PLXNC1: variants seen among roughly 807,000 people sequenced by gnomAD.
The protein encoded by PLXNC1 is plexin C1.
Under a neutral mutation model 178.2 loss-of-function variants are expected in PLXNC1, and 75 were observed. The ratio of observed to expected loss-of-function variants is 0.42; its 90% CI spans 0.35 to 0.51. The LOEUF is 0.51. Ranked by LOEUF, PLXNC1 falls within the 20% of genes least tolerant of loss-of-function variation. The pLI is 0.02. For missense variants in PLXNC1, 1,503 were observed against 1,984.4 expected (o/e 0.76, Z 4.61); for synonymous variants, 790 against 779.9 (o/e 1.01, Z -0.22).
chr12:94,288,554 T>C (rs189682666), intron 23 of PLXNC1, among the ~76,000 whole-genome samples: 3 of 152,338 alleles, frequency 2.0e-5, no homozygotes, highest in African/African-American at 7.2e-5. Flanking sequence ...TCCAGCATCC[T>C]GTAAGCCCTC....
rs1963965311 is a variant in PLXNC1 at position 94,227,177 on chromosome 12, C to T, written c.1922C>T (p.Thr641Ile). Reference sequence around the variant, plus strand: ...CAGTGTCCAGTGGCTGTCGAGAAGACATCAGGAGGAGGAAGACCCAAGGAG... The same window carrying T: ...CAGTGTCCAGTGGCTGTCGAGAAGATATCAGGAGGAGGAAGACCCAAGGAG... ...QEQCPVAVEK[T>I]SGGGRPKENK... Residue 641 changes from threonine (T) to isoleucine (I), a missense_variant, in exon 9 of 31, where the codon ACA becomes ATA. Transcript: ENST00000258526. The T allele has an allele frequency of 1.2e-6, 2 of 1,612,610 alleles. No individual in the cohort carries two copies. Among genetic ancestry groups the T allele is most frequent in the Non-Finnish European group, 1.7e-6 (2 of 1,178,724 alleles).
chr12:94,285,611 G>A (rs1468982593), intron 23 of PLXNC1, among the ~76,000 whole-genome samples: 3 of 152,138 alleles, frequency 2.0e-5, no homozygotes, highest in African/African-American at 7.2e-5. Flanking sequence ...GTGCATTCTT[G>A]GGCTCAGGAA....
intron 4 of PLXNC1, among the ~76,000 whole-genome samples, chr12:94,201,692 T>G (rs1342453338): frequency 6.7e-6 from 1 of 149,992 alleles, no homozygotes. Flanking sequence ...ATGCTTTAAG[T>G]GCACTCAGAT....
At chr12:94,249,965 G>T (rs942583174) in intron 14 of PLXNC1, among the ~76,000 whole-genome samples, 1 of 150,074 alleles carries the variant, frequency 6.7e-6, no homozygotes, top group African/African-American at 2.4e-5. Context: ...GAGCAGGTAG[G>T]GGGGCCATGC....
intron 4 of PLXNC1, among the ~76,000 whole-genome samples, chr12:94,200,981 C>T (rs939495736): frequency 5.3e-5 from 8 of 152,140 alleles, no homozygotes; most frequent in Non-Finnish European, 1.2e-4. Context: ...GAAACACAGA[C>T]AAGAATTTAG....
chr12:94,195,632 C>A (rs1962887056), intron 4 of PLXNC1, among the ~76,000 whole-genome samples: 1 of 152,182 alleles, frequency 6.6e-6, no homozygotes, highest in African/African-American at 2.4e-5. Flanking sequence ...ATTTCACATT[C>A]ACTCCATATT....
At chr12:94,216,900 C>T (rs904443383) in intron 5 of PLXNC1, among the ~76,000 whole-genome samples, 4 of 152,138 alleles carry the variant, frequency 2.6e-5, no homozygotes, top group Admixed American at 2.0e-4. Context: ...GCTTGATTCA[C>T]GAAAAAGCCA....
In PLXNC1 at chr12:94,274,155, T is replaced by TAAAAA. The variant is rs3060881; in HGVS notation, c.3598-5289_3598-5285dup. Among the ~76,000 whole-genome samples the TAAAAA allele has an allele frequency of 2.4e-3, 108 of 45,366 alleles. 8 individuals are homozygous for TAAAAA. The highest frequency in any genetic ancestry group is 7.4e-3 in the African/African-American group (63 of 8,470). The allele number at this position is 45,366 out of a possible 152,430, so 29.8% of individuals were successfully genotyped here. On this transcript the variant is annotated intron_variant, in intron 21 of 30. Transcript: ENST00000258526. Reference sequence around the variant, plus strand: ...GGGCAACACAGCAAGACCCTGTCTCTAAAAAAAAAAAAAAAAAAAAAAAAA... The same window carrying TAAAAA: ...GGGCAACACAGCAAGACCCTGTCTCTAAAAAAAAAAAAAAAAAAAAAAAAAAAAAA...
At position 94,237,746 on chromosome 12, in the gene PLXNC1, C is replaced by T; in HGVS notation, c.2063C>T (p.Thr688Ile). The change falls in exon 10 of 31, where the codon ACC becomes ATC. Residue 688 changes from threonine (T) to isoleucine (I), a missense_variant. Around this residue, in one of 4 missense-constraint regions of PLXNC1, gnomAD observed 615 missense variants for 698.6 expected, o/e 0.88. Coordinates refer to ENST00000258526, the MANE Select transcript of PLXNC1 (RefSeq NM_005761.3). ...SNVIVTGANF[T>I]RASNITMILK... ...GTGATAGTAACGGGAGCAAACTTTA[C>T]CCGGGCATCGAACATCACAATGATC... 1 of 1,613,954 alleles carries T rather than the reference C, an allele frequency of 6.2e-7. No homozygotes were observed. Among genetic ancestry groups the T allele is most frequent in the Non-Finnish European group, 8.5e-7 (1 of 1,179,904 alleles).
rs146169542 is a variant in PLXNC1, at chr12:94,305,076, A to G, written c.4603-105A>G. 380 of 672,812 alleles carry G rather than the reference A, an allele frequency of 5.6e-4. 1 individual carries two copies. In the East Asian group the frequency reaches 9.8e-3, roughly 17 times the overall value. 41.7% of individuals were successfully genotyped at this position (672,812 alleles called of 1,614,324 possible). The stretch of plus-strand genomic sequence containing the variant: ...GTAAATGATGGAAGAAAATGTTGGC[A>G]TCTGTTTCATACAGATTTTACCACT... On this transcript the variant is annotated intron_variant, in intron 30 of 30. Coordinates refer to ENST00000258526, the MANE Select transcript of PLXNC1 (RefSeq NM_005761.3).
chr12:94,216,171 G>A (rs1004045848), intron 5 of PLXNC1, among the ~76,000 whole-genome samples: 12 of 152,020 alleles, frequency 7.9e-5, no homozygotes, highest in African/African-American at 2.9e-4. Context: ...GGGAGGCTGA[G>A]GCAGGAGAAT....
chr12:94,179,171 C>T (rs574023577), intron 2 of PLXNC1, among the ~76,000 whole-genome samples: 1 of 152,308 alleles, frequency 6.6e-6, no homozygotes, highest in East Asian at 1.9e-4. Flanking sequence ...ACAGCAAATC[C>T]CTAACTGCCA....
intron 5 of PLXNC1, among the ~76,000 whole-genome samples, chr12:94,216,145 G>A (rs913886932): frequency 1.3e-5 from 2 of 152,036 alleles, no homozygotes; most frequent in African/African-American, 4.8e-5. Context: ...GCAGGTGTCT[G>A]TAATCCCAGC....
intron 2 of PLXNC1, among the ~76,000 whole-genome samples, chr12:94,176,098 T>TTG (rs1342196918): frequency 6.6e-6 from 1 of 152,146 alleles, no homozygotes; most frequent in East Asian, 1.9e-4. Flanking sequence ...TGCCCAAGGA[T>TTG]TGTGTGTGTG....
chr12:94,304,465 C>T (rs571840424), intron 30 of PLXNC1: 3 of 157,740 alleles, frequency 1.9e-5, no homozygotes, highest in Admixed American at 6.4e-5. Context: ...ACTTAAGCGA[C>T]TATTTCAATA....
chr12:94,298,836 G>A, intron 27 of PLXNC1, 41 bp downstream of exon 27: 1 of 1,555,152 alleles, frequency 6.4e-7, no homozygotes, highest in South Asian at 1.2e-5. Context: ...CAAGAATCTG[G>A]GACAGAATAT....
chr12:94,234,539 C>G (rs547810276), intron 9 of PLXNC1, among the ~76,000 whole-genome samples: 1 of 152,128 alleles, frequency 6.6e-6, no homozygotes, highest in African/African-American at 2.4e-5. Context: ...TAAAAATAAC[C>G]CTGAAGTCTT....
intron 4 of PLXNC1, among the ~76,000 whole-genome samples, chr12:94,207,200 G>A (rs1010781897): frequency 2.0e-5 from 3 of 152,120 alleles, no homozygotes; most frequent in African/African-American, 7.2e-5. Flanking sequence ...GAGAGGCAAA[G>A]AATAGGAGTT....
At chr12:94,186,352 C>T (rs748335008) in intron 3 of PLXNC1, 21 bp from the exon 4 acceptor site, 5 of 1,529,330 alleles carry the variant, frequency 3.3e-6, no homozygotes, top group Non-Finnish European at 4.5e-6. Context: ...CCATCTGAAC[C>T]ATTGTCCTCT....
Sources: allele counts gnomAD v4.1 joint callset (sites outside exome capture counted in the v4.1 genomes callset), GRCh38; gene constraint gnomAD v4.1.1; regional missense constraint gnomAD v4.1.1; transcripts MANE v1.5; gene names NCBI Gene and HGNC (gene_info 2026-07-23, HGNC 2026-07-21).